The following DTL variants were observed in gnomAD, a reference collection of about 807,000 sequenced individuals.
DTL encodes denticleless E3 ubiquitin protein ligase adapter.
DTL carries 46 observed loss-of-function variants against 87.0 expected under a neutral mutation model. That is an observed-to-expected ratio of 0.53 (90% CI 0.42 to 0.68). The LOEUF (loss-of-function observed/expected upper bound fraction) is 0.68, where lower values mean the gene tolerates loss of function less well. Among genes scored for constraint, DTL ranks in the 30% least tolerant of loss-of-function variants. DTL has a pLI of 0.00. For synonymous variants in DTL, 308 were observed against 311.2 expected, an observed-to-expected ratio of 0.99 and a Z score of 0.11; for missense variants, 737 against 869.4, an observed-to-expected ratio of 0.85 and a Z score of 1.91.
chr1:212,095,715 G>A (rs1009003456), intron 13 of DTL, among the ~76,000 whole-genome samples: 1 of 152,156 alleles, frequency 6.6e-6, no homozygotes, highest in African/African-American at 2.4e-5. Context: ...TGCATCCCTG[G>A]TTTGAAATCC....
At chr1:212,091,885 CATT>C (rs1655293733) in intron 13 of DTL, among the ~76,000 whole-genome samples, 1 of 152,188 alleles carries the variant, frequency 6.6e-6, no homozygotes, top group South Asian at 2.1e-4. Flanking sequence ...CAAAACATCA[CATT>C]ATAGCCTATA....
chr1:212,059,845 A>G (rs1442647646), intron 5 of DTL, among the ~76,000 whole-genome samples: 1 of 151,970 alleles, frequency 6.6e-6, no homozygotes, highest in Non-Finnish European at 1.5e-5. Context: ...AGAATACAAA[A>G]TCAACATACA....
chr1:212,069,067 A>G (rs1183905717), intron 10 of DTL, among the ~76,000 whole-genome samples: 1 of 151,728 alleles, frequency 6.6e-6, no homozygotes, highest in Non-Finnish European at 1.5e-5. Context: ...GGGGGCTGAA[A>G]TTTTCATACC....
At chr1:212,083,518 G>A (rs1321561915) in intron 13 of DTL, among the ~76,000 whole-genome samples, 1 of 152,166 alleles carries the variant, frequency 6.6e-6, no homozygotes, top group African/African-American at 2.4e-5. Flanking sequence ...AAAATAAGTG[G>A]TGATGAGTGG....
At chr1:212,075,521 T>G (rs1386470864) in intron 11 of DTL, among the ~76,000 whole-genome samples, 7 of 152,164 alleles carry the variant, frequency 4.6e-5, no homozygotes, top group South Asian at 4.2e-4. Context: ...AAATAAAAAT[T>G]TATTTGAATA....
intron 11 of DTL, among the ~76,000 whole-genome samples, chr1:212,074,245 A>AATTATGTGTATAATTATAT (rs560410594): frequency 0.016 from 2,395 of 151,424 alleles, 16 homozygotes; most frequent in Non-Finnish European, 0.02. Context: ...ATATATACAT[A>AATTATGTGTATAATTATAT]ATTATGTGTA....
intron 13 of DTL, among the ~76,000 whole-genome samples, chr1:212,086,235 T>A (rs1655125654): frequency 6.6e-6 from 1 of 152,160 alleles, no homozygotes; most frequent in Non-Finnish European, 1.5e-5. Context: ...AATCTTCTGG[T>A]CCATGAACTT....
intron 8 of DTL, 127 bp downstream of exon 8, chr1:212,067,012 GAGGA>G: frequency 5.5e-6 from 4 of 731,410 alleles, no homozygotes; most frequent in Admixed American, 2.7e-5. Context: ...TACCCCAACT[GAGGA>G]AAGGAGCTAT....
chr1:212,075,542 A>C (rs1388567655), intron 11 of DTL, among the ~76,000 whole-genome samples: 2 of 152,190 alleles, frequency 1.3e-5, no homozygotes, highest in African/African-American at 4.8e-5. Flanking sequence ...AAAATGAAGG[A>C]TTTAAAAGCC....
At chr1:212,091,844 G>C (rs1470513238) in intron 13 of DTL, among the ~76,000 whole-genome samples, 1 of 152,162 alleles carries the variant, frequency 6.6e-6, no homozygotes, top group Non-Finnish European at 1.5e-5. Context: ...TAGTTGGCTT[G>C]ATTTAATCAT....
chr1:212,102,424 C>G (rs1655649761), intron 14 of DTL, among the ~76,000 whole-genome samples: 1 of 151,972 alleles, frequency 6.6e-6, no homozygotes, highest in African/African-American at 2.4e-5. Context: ...TTATTTGAAG[C>G]TAACATTTCT....
At chr1:212,049,151 A>G (rs1314717998) in intron 5 of DTL, among the ~76,000 whole-genome samples, 2 of 152,120 alleles carry the variant, frequency 1.3e-5, no homozygotes, top group Non-Finnish European at 2.9e-5. Context: ...TCGAACTCCT[A>G]ACCTCAAGTG....
At chr1:212,090,028 C>G (rs1206304474) in intron 13 of DTL, among the ~76,000 whole-genome samples, 1 of 152,028 alleles carries the variant, frequency 6.6e-6, no homozygotes, top group Non-Finnish European at 1.5e-5. Context: ...ATGAAAACTT[C>G]CTTTTCTGCT....
intron 1 of DTL, among the ~76,000 whole-genome samples, chr1:212,037,536 T>G (rs961390786): frequency 1.3e-5 from 2 of 152,220 alleles, no homozygotes; most frequent in African/African-American, 4.8e-5. Context: ...AGTGTATAAC[T>G]AAACTAACTC....
At chr1:212,093,097 T>G (rs10863939) in intron 13 of DTL, among the ~76,000 whole-genome samples, 5 of 151,816 alleles carry the variant, frequency 3.3e-5, no homozygotes, top group Non-Finnish European at 5.9e-5. Context: ...GATTATTTGG[T>G]TTTTTTTCCT....
At chr1:212,087,345 G>T (rs554828276) in intron 13 of DTL, among the ~76,000 whole-genome samples, 6 of 152,038 alleles carry the variant, frequency 3.9e-5, no homozygotes, top group African/African-American at 1.4e-4. Context: ...TCAGGAGATC[G>T]AGACCATCCT....
At chr1:212,038,802 CTT>C (rs1170909460) in intron 1 of DTL, among the ~76,000 whole-genome samples, 2 of 152,086 alleles carry the variant, frequency 1.3e-5, no homozygotes, top group Non-Finnish European at 2.9e-5. Flanking sequence ...TTATTATAAA[CTT>C]AAACAAATGC....
intron 14 of DTL, among the ~76,000 whole-genome samples, chr1:212,101,967 A>G (rs1446708058): frequency 6.6e-6 from 1 of 152,200 alleles, no homozygotes; most frequent in Non-Finnish European, 1.5e-5. Context: ...ACTGTACTTC[A>G]CAGTAGCTCT....
intron 6 of DTL, among the ~76,000 whole-genome samples, chr1:212,064,375 C>T (rs536311115): frequency 1.7e-4 from 26 of 152,270 alleles, no homozygotes; most frequent in African/African-American, 6.0e-4. Flanking sequence ...CACATGCTGT[C>T]ACTCAGAGTT....
Sources: gnomAD v4.1 joint callset for allele counts (sites outside exome capture counted in the v4.1 genomes callset) on GRCh38, gnomAD v4.1.1 for gene constraint, MANE v1.5 for transcripts, NCBI Gene and HGNC (gene_info 2026-07-23, HGNC 2026-07-21) for gene names.